Variants in GADL1 observed in about 807,000 individuals in gnomAD.
The protein encoded by GADL1 is GAD like acidic amino acid decarboxylase 1.
In GADL1, 71 loss-of-function variants were observed where a neutral mutation model predicts 69.5. The ratio of observed to expected loss-of-function variants is 1.02; its 90% CI spans 0.84 to 1.25. GADL1 has a LOEUF of 1.25. Ranked by LOEUF, GADL1 falls within the 50% of genes most tolerant of loss-of-function variation. The pLI, the probability that GADL1 is intolerant of heterozygous loss-of-function variation, is 0.00. For synonymous variants in GADL1, 254 were observed against 214.4 expected (o/e 1.18, Z -1.62); for missense variants, 737 against 631.8 (o/e 1.17, Z -1.79).
In GADL1 at chr3:30,844,277, G is replaced by T. The variant is rs764642252; in HGVS notation, c.732-13C>A. On this transcript the variant is annotated splice_polypyrimidine_tract_variant and intron_variant, in intron 7 of 14. Coordinates refer to ENST00000282538, the MANE Select transcript of GADL1 (RefSeq NM_207359.3). The stretch of plus-strand genomic sequence containing the variant: ...TATCATTTTACCTCTAAGGGACAAA[G>T]ATTTGAGACTTTCAGTTATGTTTAG... The T allele has an allele frequency of 1.2e-6, 2 of 1,609,136 alleles. No homozygotes were observed. The highest frequency in any genetic ancestry group is 2.2e-5 in the South Asian group (2 of 90,408).
chr3:30,746,330 G>T (rs1363006517), intron 14 of GADL1, among the ~76,000 whole-genome samples: 1 of 152,080 alleles, frequency 6.6e-6, no homozygotes, highest in Admixed American at 6.5e-5. Flanking sequence ...CACACTTTAA[G>T]GTACCACTCA....
chr3:30,854,914 G>C (rs1035947194), intron 3 of GADL1, 125 bp from the exon 4 acceptor site: 3 of 581,280 alleles, frequency 5.2e-6, no homozygotes. Context: ...TATATATAAC[G>C]TAATTCCATT....
intron 14 of GADL1, among the ~76,000 whole-genome samples, chr3:30,730,901 ACACT>A (rs973358187): frequency 8.5e-5 from 13 of 152,160 alleles, no homozygotes; most frequent in African/African-American, 3.1e-4. Context: ...GTTAATATAC[ACACT>A]CACATATAAT....
intron 8 of GADL1, among the ~76,000 whole-genome samples, chr3:30,839,733 A>T (rs943230111): frequency 2.6e-5 from 4 of 152,102 alleles, no homozygotes; most frequent in Non-Finnish European, 5.9e-5. Flanking sequence ...GGAAAAGAAA[A>T]TCTGTGTCAC....
intron 2 of GADL1, 43 bp from the exon 3 acceptor site, chr3:30,857,184 C>CA (rs1166970505): frequency 1.3e-6 from 2 of 1,538,858 alleles, no homozygotes; most frequent in African/African-American, 2.8e-5. Context: ...CCACCATAGC[C>CA]AGGTATTGAG....
At chr3:30,783,390 T>G (rs1696712144) in intron 13 of GADL1, among the ~76,000 whole-genome samples, 1 of 152,208 alleles carries the variant, frequency 6.6e-6, no homozygotes, top group Non-Finnish European at 1.5e-5. Flanking sequence ...CTTAAAATAA[T>G]ACATTTCTTG....
At chr3:30,886,521 G>T (rs1476328423) in intron 1 of GADL1, among the ~76,000 whole-genome samples, 2 of 152,136 alleles carry the variant, frequency 1.3e-5, no homozygotes, top group Non-Finnish European at 2.9e-5. Context: ...AAGGCCAAGG[G>T]ATGGGGAGTG....
chr3:30,772,704 A>G (rs939278896), intron 14 of GADL1, among the ~76,000 whole-genome samples: 2 of 152,070 alleles, frequency 1.3e-5, no homozygotes, highest in African/African-American at 4.8e-5. Context: ...GTGAAACCCC[A>G]TCTCTACTAA....
chr3:30,823,374 T>C (rs1379684912), intron 11 of GADL1, among the ~76,000 whole-genome samples: 1 of 151,960 alleles, frequency 6.6e-6, no homozygotes, highest in East Asian at 1.9e-4. Flanking sequence ...AAAGTATTCA[T>C]TGTTATTAAG....
chr3:30,823,145 T>G (rs1010030857), intron 11 of GADL1, among the ~76,000 whole-genome samples: 5 of 151,876 alleles, frequency 3.3e-5, no homozygotes, highest in Admixed American at 1.3e-4. Context: ...TATAAACTAC[T>G]GGGAGGTACA....
intron 1 of GADL1, among the ~76,000 whole-genome samples, chr3:30,870,956 C>A (rs562941481): frequency 1.3e-5 from 2 of 151,188 alleles, no homozygotes; most frequent in African/African-American, 4.9e-5. Context: ...TTGACAAATT[C>A]ATAGGAATTG....
rs190279326 is a variant in GADL1 at position 30,891,671 on chromosome 3, A to T, written c.37+2907T>A. On this transcript the variant is annotated intron_variant, in intron 1 of 14. Transcript: ENST00000282538. ...TAAAATAAAAAAAAAAATAAAAAGC[A>T]GATCATAATAGTATCCCCATTGACT... Among the ~76,000 whole-genome samples, 6 of 152,180 alleles carry T rather than the reference A, an allele frequency of 3.9e-5. No homozygotes were observed. The South Asian group carries it at 1.0e-3, about 26-fold the overall frequency.
intron 1 of GADL1, among the ~76,000 whole-genome samples, chr3:30,887,204 A>G (rs184018017): frequency 1.3e-5 from 2 of 152,278 alleles, no homozygotes; most frequent in African/African-American, 2.4e-5. Flanking sequence ...GAGAAGGAGG[A>G]CACACTAGGG....
chr3:30,741,017 A>G (rs1026294542), intron 14 of GADL1, among the ~76,000 whole-genome samples: 6 of 107,118 alleles, frequency 5.6e-5, no homozygotes, highest in Non-Finnish European at 1.1e-4. Context: ...ATTATATATT[A>G]TATAATATAT....
chr3:30,888,106 C>T (rs957813596), intron 1 of GADL1, among the ~76,000 whole-genome samples: 9 of 152,088 alleles, frequency 5.9e-5, no homozygotes, highest in South Asian at 2.1e-4. Flanking sequence ...ATTGTTTTTG[C>T]GTTATTTTTT....
At chr3:30,764,557 G>A (rs1490046691) in intron 14 of GADL1, among the ~76,000 whole-genome samples, 3 of 152,120 alleles carry the variant, frequency 2.0e-5, no homozygotes, top group East Asian at 1.9e-4. Flanking sequence ...CCCTTGCTGA[G>A]CATTTTATTA....
At chr3:30,757,639 A>G (rs1235398429) in intron 14 of GADL1, among the ~76,000 whole-genome samples, 3 of 152,146 alleles carry the variant, frequency 2.0e-5, no homozygotes, top group African/African-American at 7.2e-5. Flanking sequence ...CCCCACAGAG[A>G]ATGAGTAAAC....
rs150729880 is a variant in GADL1, at chr3:30,803,474, C to T, written c.1051-2386G>A. ...AAAGATTAAAAATCCCCAAAGCAAACGAACTTTGGACATTTCTTGAGCAAG... is the reference window on the plus strand; with the variant it reads ...AAAGATTAAAAATCCCCAAAGCAAATGAACTTTGGACATTTCTTGAGCAAG... On this transcript the variant is annotated intron_variant, in intron 11 of 14. Coordinates refer to ENST00000282538, the MANE Select transcript of GADL1 (RefSeq NM_207359.3). Among the ~76,000 whole-genome samples, 908 of 150,310 alleles carry T rather than the reference C, an allele frequency of 6.0e-3. 4 individuals are homozygous for T. Among genetic ancestry groups the T allele is most frequent in the Non-Finnish European group, 7.2e-3 (481 of 66,778 alleles).
rs1288716141 is a variant in GADL1 at position 30,861,743 on chromosome 3, C to T, written c.60G>A (p.Met20Ile). 1.9e-6 allele frequency: 3 copies of T among 1,546,394 alleles called. No individual in the cohort carries two copies. The highest frequency in any genetic ancestry group is 2.8e-5 in the African/African-American group (2 of 72,668). ...PVDGDIDQQEMIPSKKNAVLV... is the reference protein window; with the variant it reads ...PVDGDIDQQEIIPSKKNAVLV... ...GAACAGCATTCTTCTTACTTGGAAT[C>T]ATCTCTTGTTGATCAATATCTCCTG... The change falls in exon 2 of 15, where the codon ATG (methionine) becomes ATA (isoleucine). Residue 20 changes from methionine to isoleucine, a missense_variant. Transcript: ENST00000282538.
Sources: gnomAD v4.1 joint callset for allele counts (sites outside exome capture counted in the v4.1 genomes callset) on GRCh38, gnomAD v4.1.1 for gene constraint, MANE v1.5 for transcripts, NCBI Gene and HGNC (gene_info 2026-07-23, HGNC 2026-07-21) for gene names.